MIPOL1: variants seen among roughly 807,000 people sequenced by gnomAD.
The protein encoded by MIPOL1 is mirror-image polydactyly 1, also known as mirror-image polydactyly gene 1 protein.
Under a neutral mutation model 60.9 loss-of-function variants are expected in MIPOL1, and 57 were observed. The ratio of observed to expected loss-of-function variants is 0.94; its 90% CI spans 0.76 to 1.17. MIPOL1 has a LOEUF of 1.17. Ranked by LOEUF, MIPOL1 falls within the 50% of genes most tolerant of loss-of-function variation. The probability of loss-of-function intolerance (pLI) is 0.00; values close to 1 mark genes in which losing one functional copy is unlikely to be tolerated. For missense variants in MIPOL1, 551 were observed against 511.6 expected (o/e 1.08, Z -0.74); for synonymous variants, 179 against 168.8 (o/e 1.06, Z -0.47).
At chr14:37,345,085 T>C (rs1318469305) in intron 9 of MIPOL1, among the ~76,000 whole-genome samples, 2 of 151,960 alleles carry the variant, frequency 1.3e-5, no homozygotes, top group East Asian at 3.9e-4. Context: ...ACATTAACAA[T>C]TTGATTTTTA....
At chr14:37,530,568 T>C (rs891753165) in intron 12 of MIPOL1, among the ~76,000 whole-genome samples, 1 of 152,148 alleles carries the variant, frequency 6.6e-6, no homozygotes, top group Non-Finnish European at 1.5e-5. Flanking sequence ...AGTCAGAATG[T>C]CCAAAGTTAT....
chr14:37,433,054 G>A (rs1173691166), intron 11 of MIPOL1, among the ~76,000 whole-genome samples: 1 of 152,096 alleles, frequency 6.6e-6, no homozygotes. Context: ...GGCTGATGTT[G>A]TACTTTTTAA....
chr14:37,540,931 G>C (rs1261396169), intron 12 of MIPOL1, among the ~76,000 whole-genome samples: 1 of 152,020 alleles, frequency 6.6e-6, no homozygotes, highest in South Asian at 2.1e-4. Context: ...TATCCCTCTT[G>C]TTCAGTAATT....
At chr14:37,223,136 G>A (rs10134099) in intron 1 of MIPOL1, among the ~76,000 whole-genome samples, 2,466 of 152,058 alleles carry the variant, frequency 0.016, 55 homozygotes, top group African/African-American at 0.055. Context: ...GGGTTCAAGC[G>A]ATTCTCCTGC....
At chr14:37,211,667 T>C (rs1966846864) in intron 1 of MIPOL1, among the ~76,000 whole-genome samples, 2 of 151,678 alleles carry the variant, frequency 1.3e-5, no homozygotes, top group Non-Finnish European at 2.9e-5. Context: ...CTTAGGAGAG[T>C]TCTAGTGCTA....
chr14:37,327,266 G>A (rs1466542086), intron 9 of MIPOL1, among the ~76,000 whole-genome samples: 1 of 152,092 alleles, frequency 6.6e-6, no homozygotes, highest in Admixed American at 6.6e-5. Flanking sequence ...TATCCCACAT[G>A]AGGTTGGAAA....
intron 11 of MIPOL1, among the ~76,000 whole-genome samples, chr14:37,430,496 A>T (rs1332508222): frequency 1.2e-5 from 1 of 80,062 alleles, no homozygotes; most frequent in Non-Finnish European, 3.4e-5. Flanking sequence ...AAGAAAATTA[A>T]AATAGTTTTT....
chr14:37,304,066 A>T (rs1452011002), intron 7 of MIPOL1, among the ~76,000 whole-genome samples: 1 of 151,834 alleles, frequency 6.6e-6, no homozygotes, highest in Non-Finnish European at 1.5e-5. Context: ...GTACATCTTG[A>T]TAACAGGACC....
At chr14:37,458,214 A>G (rs527351449) in intron 11 of MIPOL1, among the ~76,000 whole-genome samples, 4 of 152,182 alleles carry the variant, frequency 2.6e-5, no homozygotes, top group Admixed American at 6.5e-5. Context: ...CAATACAATA[A>G]TAGTGGAAGA....
chr14:37,299,485 C>T (rs1323356718), intron 7 of MIPOL1, among the ~76,000 whole-genome samples: 1 of 151,756 alleles, frequency 6.6e-6, no homozygotes, highest in African/African-American at 2.4e-5. Context: ...CAACATCCTA[C>T]TTTCTTTACC....
chr14:37,466,898 T>C (rs749322940), intron 11 of MIPOL1, among the ~76,000 whole-genome samples: 70 of 152,224 alleles, frequency 4.6e-4, no homozygotes, highest in Non-Finnish European at 8.2e-4. Context: ...TGATTTCCGC[T>C]TTCTCCCCAG....
intron 9 of MIPOL1, among the ~76,000 whole-genome samples, chr14:37,323,680 T>C (rs1003841927): frequency 6.6e-5 from 10 of 152,046 alleles, no homozygotes; most frequent in African/African-American, 2.4e-4. Flanking sequence ...TTTTGACAAA[T>C]TCATACACCC....
rs1197506086 is a variant in MIPOL1 at position 37,422,852 on chromosome 14, T to C, written c.937-3T>C. ...AATTTCTTAAAATATTAATTACTTT[T>C]AGGCAAAGTTGTTATCTATGCAACA... On this transcript the variant is annotated splice_region_variant and splice_polypyrimidine_tract_variant and intron_variant, in intron 10 of 12. Transcript: ENST00000684589. 2.0e-5 allele frequency: 32 copies of C among 1,588,356 alleles called. No homozygotes were observed. Among genetic ancestry groups the C allele is most frequent in the Admixed American group, 6.8e-5 (4 of 58,890 alleles).
chr14:37,212,132 A>C (rs1966858433), intron 1 of MIPOL1: 1 of 152,238 alleles, frequency 6.6e-6, no homozygotes, highest in African/African-American at 2.4e-5. Context: ...GGTAAGACTC[A>C]GCACATTACC....
intron 12 of MIPOL1, chr14:37,545,702 G>T: frequency 1.5e-6 from 1 of 652,058 alleles, no homozygotes; most frequent in Non-Finnish European, 2.7e-6. Context: ...ATAAACTTCA[G>T]CTAGTTTTCA....
intron 10 of MIPOL1, among the ~76,000 whole-genome samples, chr14:37,407,176 C>T (rs1439492228): frequency 2.6e-5 from 4 of 152,086 alleles, no homozygotes; most frequent in Non-Finnish European, 5.9e-5. Flanking sequence ...AAAAATTGGA[C>T]TAAACAGTGT....
At chr14:37,287,893 T>G (rs939452781) in intron 7 of MIPOL1, among the ~76,000 whole-genome samples, 3 of 151,920 alleles carry the variant, frequency 2.0e-5, no homozygotes, top group African/African-American at 7.3e-5. Flanking sequence ...CCTCCCAAAG[T>G]GTTAGAATTA....
intron 12 of MIPOL1, among the ~76,000 whole-genome samples, chr14:37,535,332 T>C (rs535680563): frequency 6.6e-6 from 1 of 152,308 alleles, no homozygotes; most frequent in African/African-American, 2.4e-5. Flanking sequence ...AATATACACA[T>C]ATCAAGTTTT....
chr14:37,354,042 T>A (rs2091613851), intron 9 of MIPOL1, among the ~76,000 whole-genome samples: 1 of 151,642 alleles, frequency 6.6e-6, no homozygotes, highest in East Asian at 2.0e-4. Flanking sequence ...TTGTGGGCAT[T>A]TAGTGCTATA....
Sources: allele counts gnomAD v4.1 joint callset (sites outside exome capture counted in the v4.1 genomes callset), GRCh38; gene constraint gnomAD v4.1.1; transcripts MANE v1.5; gene names NCBI Gene and HGNC (gene_info 2026-07-23, HGNC 2026-07-21).